CACNA1C: variants seen among roughly 807,000 people sequenced by gnomAD.
The protein encoded by CACNA1C is calcium voltage-gated channel subunit alpha1 C.
In CACNA1C, 30 loss-of-function variants were observed where a neutral mutation model predicts 229.0. The ratio of observed to expected loss-of-function variants is 0.13; its 90% CI spans 0.10 to 0.18. The LOEUF is 0.18. CACNA1C is among the 10% of genes least tolerant of loss of function. CACNA1C has a pLI of 1.00. For synonymous variants in CACNA1C, 1,114 were observed against 1,132.5 expected, an observed-to-expected ratio of 0.98 and a Z score of 0.33; for missense variants, 1,658 against 2,845.0, an observed-to-expected ratio of 0.58 and a Z score of 9.49.
At chr12:2,250,150 C>G (rs1649292614) in intron 3 of CACNA1C, among the ~76,000 whole-genome samples, 1 of 152,192 alleles carries the variant, frequency 6.6e-6, no homozygotes, top group South Asian at 2.1e-4. Context: ...AAGGATGCAT[C>G]AGTCCATCTC....
At chr12:1,998,833 G>T (rs180781127) in intron 1 of CACNA1C, among the ~76,000 whole-genome samples, 1 of 151,998 alleles carries the variant, frequency 6.6e-6, no homozygotes, top group South Asian at 2.1e-4. Flanking sequence ...CAATTTACAT[G>T]GTTTAATTTC....
intron 3 of CACNA1C, among the ~76,000 whole-genome samples, chr12:2,124,027 C>T (rs962697756): frequency 6.6e-6 from 1 of 151,992 alleles, no homozygotes; most frequent in African/African-American, 2.4e-5. Flanking sequence ...CTAACCCAGG[C>T]CCTGTTGCCT....
chr12:2,230,773 C>T (rs939431507), intron 3 of CACNA1C, among the ~76,000 whole-genome samples: 3 of 152,216 alleles, frequency 2.0e-5, no homozygotes, highest in Admixed American at 2.0e-4. Context: ...GCTAACCCTT[C>T]TCCGGTGCTT....
At chr12:2,095,157 C>T (rs975402447) in intron 1 of CACNA1C, among the ~76,000 whole-genome samples, 1 of 152,176 alleles carries the variant, frequency 6.6e-6, no homozygotes, top group African/African-American at 2.4e-5. Context: ...GAGGTGGCTG[C>T]TGTAATTCAC....
At chr12:2,126,510 T>C (rs1439604495) in intron 3 of CACNA1C, among the ~76,000 whole-genome samples, 1 of 152,198 alleles carries the variant, frequency 6.6e-6, no homozygotes, top group African/African-American at 2.4e-5. Flanking sequence ...GTTGAAATAT[T>C]AAGAGAATAT....
chr12:2,083,981 T>C (rs767343313), intron 1 of CACNA1C, among the ~76,000 whole-genome samples: 20 of 152,142 alleles, frequency 1.3e-4, no homozygotes, highest in Non-Finnish European at 2.5e-4. Flanking sequence ...AAAAATTAGG[T>C]GTGTTGTTTT....
At chr12:2,547,331 A>G (rs2154591906) in intron 9 of CACNA1C, 3 of 653,016 alleles carry the variant, frequency 4.6e-6, no homozygotes, top group Admixed American at 2.6e-5. Context: ...TGTGATAAAA[A>G]TGGATGTTCT....
chr12:2,646,772 GAGAGA>G lies in CACNA1C; in HGVS notation c.3913-1702_3913-1698del, dbSNP rs1297152625. The stretch of plus-strand genomic sequence containing the variant: ...TGTATGAGAGAGAGAGAGAGAAAGA[GAGAGA>G]GAGAGAGAGAGAGTGTGTGTGTGCG... On this transcript the variant is annotated intron_variant, in intron 30 of 46. Coordinates refer to ENST00000399655, the MANE Select transcript of CACNA1C (RefSeq NM_000719.7). This position sits in a 1 kb window ranked among gnomAD's most constrained non-coding sequence, Gnocchi z 4.6. Among the ~76,000 whole-genome samples, 1 of 76,736 alleles carries G rather than the reference GAGAGA, an allele frequency of 1.3e-5. No individual in the cohort carries two copies. The highest frequency in any genetic ancestry group is 3.1e-4 in the East Asian group (1 of 3,252). 50.3% of individuals were successfully genotyped at this position (76,736 alleles called of 152,430 possible).
chr12:2,455,716 C>G (rs2099413462), intron 4 of CACNA1C, among the ~76,000 whole-genome samples: 1 of 152,142 alleles, frequency 6.6e-6, no homozygotes, highest in South Asian at 2.1e-4. Flanking sequence ...CTTGGTGTTG[C>G]TAAACCCAGC....
chr12:2,462,353 TGC>T (rs1332618782), intron 5 of CACNA1C, among the ~76,000 whole-genome samples: 5 of 142,746 alleles, frequency 3.5e-5, no homozygotes, highest in Non-Finnish European at 4.5e-5. Context: ...CTCAGCTCTC[TGC>T]ACAGGCCTGC....
intron 3 of CACNA1C, among the ~76,000 whole-genome samples, chr12:2,307,796 A>G (rs946733611): frequency 9.9e-5 from 15 of 152,178 alleles, no homozygotes; most frequent in African/African-American, 3.6e-4. Context: ...CTTACATAAC[A>G]AACTGGCCAC....
At chr12:2,183,328 T>A (rs2096896866) in intron 3 of CACNA1C, among the ~76,000 whole-genome samples, 1 of 152,080 alleles carries the variant, frequency 6.6e-6, no homozygotes, top group African/African-American at 2.4e-5. Context: ...GGGGCATGAG[T>A]CCCTATGCAG....
intron 2 of CACNA1C, among the ~76,000 whole-genome samples, chr12:2,116,787 GGTACTGACT>G (rs2084114980): frequency 6.6e-6 from 1 of 152,086 alleles, no homozygotes. Flanking sequence ...CTAGAACCCT[GGTACTGACT>G]GTGGGAATTT....
chr12:2,475,021 T>C (rs986705522), intron 5 of CACNA1C, among the ~76,000 whole-genome samples: 18 of 152,034 alleles, frequency 1.2e-4, no homozygotes, highest in African/African-American at 4.3e-4. Flanking sequence ...AGGTTTTGGC[T>C]GGGCGCGGTG....
rs192826599 is a variant in CACNA1C, at chr12:2,467,439, C to T, written c.757+9733C>T. Among the ~76,000 whole-genome samples the T allele has an allele frequency of 1.0e-3, 155 of 152,266 alleles. No individual in the cohort carries two copies. Among genetic ancestry groups the T allele is most frequent in the African/African-American group, 3.5e-3 (146 of 41,572 alleles). ...CTGATGGCAATGGTGAGGGAACCCT[C>T]AGGGCTGCTGATCTTTGCTGCCCCC... On this transcript the variant is annotated intron_variant, in intron 5 of 46. Transcript: ENST00000399655. The surrounding 1 kb of genome is among the most constrained non-coding windows in gnomAD (Gnocchi z 4.6).
chr12:2,474,919 A>T (rs2099616508), intron 5 of CACNA1C, among the ~76,000 whole-genome samples: 2 of 152,236 alleles, frequency 1.3e-5, no homozygotes. Context: ...CTTGGAAAAG[A>T]TGCCTGATAG....
Position 1,992,937 on chromosome 12 carries a change from T to C in CACNA1C, c.139+21736T>C, listed in dbSNP as rs923891148. On this transcript the variant is annotated intron_variant, in intron 1 of 46. Transcript: ENST00000682462. ...GTTCAGGGAGCCACCTATGTGTGTGTCTCTGCAGTCTCCTCACTAAGAACT... is the reference window on the plus strand; with the variant it reads ...GTTCAGGGAGCCACCTATGTGTGTGCCTCTGCAGTCTCCTCACTAAGAACT... The C allele has an allele frequency of 3.1e-5, 18 of 589,190 alleles. No homozygotes were observed. The African/African-American group carries it at 3.2e-4, about 10-fold the overall frequency. 36.5% of individuals were successfully genotyped at this position (589,190 alleles called of 1,614,324 possible). A position where few individuals can be genotyped will look rare whatever the true frequency, so the allele number is the denominator to read the frequency against.
intron 3 of CACNA1C, among the ~76,000 whole-genome samples, chr12:2,216,138 C>A (rs2059917686): frequency 6.6e-6 from 1 of 152,128 alleles, no homozygotes. Context: ...AGCTGGGAGT[C>A]TTGGGCAAGA....
intron 3 of CACNA1C, among the ~76,000 whole-genome samples, chr12:2,388,020 G>A (rs2098422248): frequency 6.6e-6 from 1 of 152,156 alleles, no homozygotes; most frequent in Non-Finnish European, 1.5e-5. Context: ...AGAGGCTGCT[G>A]CAATGGATAG....
Sources: gnomAD v4.1 joint callset for allele counts (sites outside exome capture counted in the v4.1 genomes callset) on GRCh38, gnomAD v4.1.1 for gene constraint, Gnocchi (gnomAD v3.1) non-coding constraint, MANE v1.5 for transcripts, NCBI Gene and HGNC (gene_info 2026-07-23, HGNC 2026-07-21) for gene names.